TXLNB: variants seen among roughly 807,000 people sequenced by gnomAD.
TXLNB encodes the protein beta-taxilin.
Under a neutral mutation model 57.4 loss-of-function variants are expected in TXLNB, and 37 were observed. That is an observed-to-expected ratio of 0.64 (90% CI 0.50 to 0.85). The LOEUF (loss-of-function observed/expected upper bound fraction) is 0.85, where lower values mean the gene tolerates loss of function less well. Among genes scored for constraint, TXLNB ranks in the 40% least tolerant of loss-of-function variants. The pLI, the probability that TXLNB is intolerant of heterozygous loss-of-function variation, is 0.00. For synonymous variants in TXLNB, 302 were observed against 309.6 expected (o/e 0.98, Z 0.26); for missense variants, 848 against 825.6 (o/e 1.03, Z -0.33).
At chr6:139,293,781 A>G (rs1777344557), upstream of TXLNB, among the ~76,000 whole-genome samples, 1 of 151,940 alleles carries the variant, frequency 6.6e-6, no homozygotes, top group Admixed American at 6.6e-5. Context: ...AAGAAATTCC[A>G]GTGTTGAAGA....
chr6:139,247,329 A>T (rs1470561246), intron 8 of TXLNB, among the ~76,000 whole-genome samples: 2 of 151,914 alleles, frequency 1.3e-5, no homozygotes, highest in Non-Finnish European at 2.9e-5. Flanking sequence ...TTTAGTAGAG[A>T]CAGGGTTTCA....
In TXLNB at chr6:139,288,521, T is replaced by C; in HGVS notation, c.379A>G (p.Ser127Gly). ...TTTTCCAATTTTTGCTCCTTATTGCTGACGGGCTCTTTGACAGTGGGTGGC... is the reference window on the plus strand; with the variant it reads ...TTTTCCAATTTTTGCTCCTTATTGCCGACGGGCTCTTTGACAGTGGGTGGC... ...GEPPTVKEPV[S>G]NKEQKLEKKI... The change falls in exon 2 of 10, where the codon AGC (serine) becomes GGC (glycine). Residue 127 changes from serine to glycine, a missense_variant. Transcript: ENST00000358430. 1 of 1,614,258 alleles carries C rather than the reference T, an allele frequency of 6.2e-7. No homozygotes were observed. The highest frequency in any genetic ancestry group is 8.5e-7 in the Non-Finnish European group (1 of 1,180,040).
intron 5 of TXLNB, 119 bp downstream of exon 5, chr6:139,262,460 A>G (rs1583006730): frequency 2.4e-6 from 2 of 830,222 alleles, no homozygotes; most frequent in East Asian, 2.9e-5. Context: ...AGGAAATCCA[A>G]TCCTAAATAT....
At chr6:139,166,354 G>A in the TXLNB span, 6 of 1,614,030 alleles carry the variant, frequency 3.7e-6, no homozygotes, top group South Asian at 4.4e-5. Context: ...ACGACTACCA[G>A]AAGGTGGTGT....
the TXLNB span, among the ~76,000 whole-genome samples, chr6:139,172,547 A>C: frequency 6.6e-6 from 1 of 152,216 alleles, no homozygotes; most frequent in Admixed American, 6.5e-5. Flanking sequence ...CTTCTTTACC[A>C]CTTTGAACCA....
chr6:139,182,808 A>G, the TXLNB span, among the ~76,000 whole-genome samples: 51 of 152,350 alleles, frequency 3.3e-4, no homozygotes, highest in African/African-American at 1.2e-3. Context: ...GCTAAGCCTC[A>G]GAAACAGCAA....
upstream of TXLNB, among the ~76,000 whole-genome samples, chr6:139,293,033 G>A (rs538285431): frequency 6.6e-6 from 1 of 152,280 alleles, no homozygotes; most frequent in Non-Finnish European, 1.5e-5. Flanking sequence ...CAGATGTGAG[G>A]AAGGATCCTG....
chr6:139,243,233 C>A lies in TXLNB; in HGVS notation c.1348G>T (p.Glu450Ter), dbSNP rs202215005. 4.3e-6 allele frequency: 7 copies of A among 1,614,074 alleles called. No individual in the cohort carries two copies. In the African/African-American group the frequency reaches 9.3e-5, roughly 22 times the overall value. Residue 450 changes from glutamate (E) to a stop codon, truncating the protein, a stop_gained, in exon 10 of 10, where the codon GAG (glutamate) becomes TAG (stop). Coordinates refer to ENST00000358430, the MANE Select transcript of TXLNB (RefSeq NM_153235.4). LOFTEE classifies it low-confidence loss of function (END_TRUNC). ...ATTTTTTTGTGGAGTTCGTTTCTCT[C>A]TTCTTGTAAAGCACGGCAGAGGTTC... ...LENLCRALQEERNELHKKIRD... is the reference protein window; with the variant it reads ...LENLCRALQE
the TXLNB span, among the ~76,000 whole-genome samples, chr6:139,306,321 G>T: frequency 6.6e-6 from 1 of 152,186 alleles, no homozygotes; most frequent in Non-Finnish European, 1.5e-5. Context: ...AGAGACAGAG[G>T]AAAAGTTTTC....
intron 8 of TXLNB, among the ~76,000 whole-genome samples, chr6:139,246,619 T>TA (rs1022641994): frequency 2.0e-4 from 30 of 151,986 alleles, no homozygotes; most frequent in Non-Finnish European, 3.5e-4. Context: ...CTGCATAGAT[T>TA]AAAAAAAATT....
At chr6:139,267,099 G>C (rs962190478) in intron 4 of TXLNB, among the ~76,000 whole-genome samples, 3 of 151,506 alleles carry the variant, frequency 2.0e-5, no homozygotes, top group African/African-American at 7.3e-5. Context: ...ATTACCAGCA[G>C]ATTTGTACTA....
downstream of TXLNB, among the ~76,000 whole-genome samples, chr6:139,239,884 A>ACC (rs902022279): frequency 1.3e-5 from 2 of 150,128 alleles, no homozygotes; most frequent in South Asian, 4.2e-4. The surrounding 1 kb of genome is among the most constrained non-coding windows in gnomAD (Gnocchi z 4.7). Context: ...ACACACACAC[A>ACC]CCCCCGCCCC....
At chr6:139,200,447 A>T in the TXLNB span, among the ~76,000 whole-genome samples, 2 of 152,208 alleles carry the variant, frequency 1.3e-5, no homozygotes, top group African/African-American at 4.8e-5. Context: ...CTCCATGTTT[A>T]GCGAGGACCC....
intron 7 of TXLNB, among the ~76,000 whole-genome samples, chr6:139,251,084 C>G (rs979996622): frequency 2.0e-5 from 3 of 152,176 alleles, no homozygotes; most frequent in African/African-American, 7.2e-5. Context: ...CAGACACACC[C>G]AGAGTTCTGA....
intron 3 of TXLNB, among the ~76,000 whole-genome samples, chr6:139,272,903 G>A (rs61307301): frequency 0.042 from 6,378 of 151,974 alleles, 457 homozygotes; most frequent in African/African-American, 0.15. Flanking sequence ...GCCTAGGGGC[G>A]GGTGCCTGTA....
the TXLNB span, among the ~76,000 whole-genome samples, chr6:139,185,591 C>T: frequency 0.11 from 17,148 of 152,034 alleles, 1,491 homozygotes; most frequent in African/African-American, 0.21. Flanking sequence ...GTCCCAGCTG[C>T]TCGGGAGGCT....
chr6:139,217,153 T>C, the TXLNB span, among the ~76,000 whole-genome samples: 1 of 152,108 alleles, frequency 6.6e-6, no homozygotes, highest in Non-Finnish European at 1.5e-5. Context: ...TCCAGGGTGG[T>C]GTGTGCCTGT....
chr6:139,248,260 G>T lies in TXLNB; in HGVS notation c.1078-351C>A, dbSNP rs1175058735. On this transcript the variant is annotated intron_variant, in intron 7 of 9. Coordinates refer to ENST00000358430, the MANE Select transcript of TXLNB (RefSeq NM_153235.4). ...TGTACTCCAGCCTGGGCGACAGAGCGAGACTCCGTCTCAAAAAAAAAAAAA... is the reference window on the plus strand; with the variant it reads ...TGTACTCCAGCCTGGGCGACAGAGCTAGACTCCGTCTCAAAAAAAAAAAAA... 2.0e-5 allele frequency among the ~76,000 whole-genome samples: 3 copies of T among 148,008 alleles called. No homozygotes were observed. In the South Asian group the frequency reaches 6.4e-4, roughly 32 times the overall value.
chr6:139,184,598 T>G, the TXLNB span, among the ~76,000 whole-genome samples: 2 of 94,704 alleles, frequency 2.1e-5, no homozygotes, highest in Non-Finnish European at 4.2e-5. Context: ...GTTTTCACAG[T>G]CTACACCACG....
Sources: allele counts gnomAD v4.1 joint callset (sites outside exome capture counted in the v4.1 genomes callset), GRCh38; gene constraint gnomAD v4.1.1; non-coding constraint Gnocchi (gnomAD v3.1); transcripts MANE v1.5; gene names NCBI Gene and HGNC (gene_info 2026-07-23, HGNC 2026-07-21).